CNTN4: variants seen among roughly 807,000 people sequenced by gnomAD.
The protein encoded by CNTN4 is contactin 4, also known as contactin-4.
Under a neutral mutation model 122.5 loss-of-function variants are expected in CNTN4, and 77 were observed. The observed-to-expected ratio is 0.63, with a 90% confidence interval of 0.52 to 0.76. The LOEUF (loss-of-function observed/expected upper bound fraction) is 0.76, where lower values mean the gene tolerates loss of function less well. Ranked by LOEUF, CNTN4 falls within the 30% of genes least tolerant of loss-of-function variation. CNTN4 has a pLI of 0.00. For synonymous variants in CNTN4, 512 were observed against 447.0 expected (o/e 1.15, Z -1.83); for missense variants, 1,256 against 1,259.1 (o/e 1.00, Z 0.04).
chr3:2,325,778 G>A (rs1458744796), intron 2 of CNTN4, among the ~76,000 whole-genome samples: 1 of 152,172 alleles, frequency 6.6e-6, no homozygotes, highest in Non-Finnish European at 1.5e-5. Context: ...TGAAACGATT[G>A]TGATTTATAT....
At chr3:2,185,997 T>C (rs931172028) in intron 2 of CNTN4, among the ~76,000 whole-genome samples, 1 of 152,188 alleles carries the variant, frequency 6.6e-6, no homozygotes, top group African/African-American at 2.4e-5. Context: ...TTATTACATA[T>C]GTATACATGA....
intron 2 of CNTN4, among the ~76,000 whole-genome samples, chr3:2,276,122 CATT>C (rs1559404078): frequency 6.6e-6 from 1 of 151,824 alleles, no homozygotes; most frequent in East Asian, 1.9e-4. Flanking sequence ...ATCTTTTTAA[CATT>C]ATCTGCATTA....
intron 2 of CNTN4, among the ~76,000 whole-genome samples, chr3:2,124,433 AACACACACACACACACACAC>A (rs60760373): frequency 8.1e-6 from 1 of 123,816 alleles, no homozygotes; most frequent in Non-Finnish European, 1.7e-5. Context: ...ATTTATTTAA[AACACACACACACACACACAC>A]ACACACACAC....
intron 7 of CNTN4, among the ~76,000 whole-genome samples, chr3:2,822,638 T>C (rs2092901787): frequency 6.6e-6 from 1 of 152,210 alleles, no homozygotes; most frequent in Admixed American, 6.5e-5. Context: ...ATTAATCTTG[T>C]AGGTATATTA....
intron 3 of CNTN4, among the ~76,000 whole-genome samples, chr3:2,396,390 G>A (rs1183801396): frequency 6.6e-6 from 1 of 152,070 alleles, no homozygotes; most frequent in African/African-American, 2.4e-5. Context: ...TGTCTTCTCA[G>A]AAATCATGTT....
At chr3:2,476,880 G>C (rs1185778699) in intron 3 of CNTN4, among the ~76,000 whole-genome samples, 1 of 152,036 alleles carries the variant, frequency 6.6e-6, no homozygotes, top group African/African-American at 2.4e-5. Flanking sequence ...TTTATTATTA[G>C]TCTTTATTGT....
intron 2 of CNTN4, among the ~76,000 whole-genome samples, chr3:2,102,395 T>C (rs575908599): frequency 2.0e-5 from 3 of 152,348 alleles, no homozygotes; most frequent in Admixed American, 6.5e-5. Context: ...GGCATCACGA[T>C]AGGGATTAAA....
At chr3:2,420,071 G>A (rs2047558644) in intron 3 of CNTN4, among the ~76,000 whole-genome samples, 2 of 152,170 alleles carry the variant, frequency 1.3e-5, no homozygotes, top group Admixed American at 6.5e-5. Context: ...CTCATACAGT[G>A]CAATAGTACA....
At chr3:2,653,392 C>G (rs2083449900) in intron 4 of CNTN4, among the ~76,000 whole-genome samples, 2 of 152,110 alleles carry the variant, frequency 1.3e-5, no homozygotes, top group Non-Finnish European at 2.9e-5. Flanking sequence ...AGATTGAGCT[C>G]TTTTCCAAAT....
rs548177404 is a variant in CNTN4, at chr3:2,372,528, C to A, written c.-89+33295C>A. 1.4e-4 allele frequency among the ~76,000 whole-genome samples: 22 copies of A among 152,284 alleles called. No homozygotes were observed. In the South Asian group the frequency reaches 4.6e-3, roughly 32 times the overall value. Reference sequence around the variant, plus strand: ...TCAGGGACATAGTTGAAATTTGACACCAGGTTCCAATCCCTAATGTCCTCT... The same window carrying A: ...TCAGGGACATAGTTGAAATTTGACAACAGGTTCCAATCCCTAATGTCCTCT... On this transcript the variant is annotated intron_variant, in intron 3 of 24. Coordinates refer to ENST00000418658, the MANE Select transcript of CNTN4 (RefSeq NM_175607.3).
Position 2,261,646 on chromosome 3 carries a change from T to G in CNTN4, c.-144-77532T>G, listed in dbSNP as rs2040837783. Among the ~76,000 whole-genome samples, 3 of 152,176 alleles carry G rather than the reference T, an allele frequency of 2.0e-5. No individual in the cohort carries two copies. The South Asian group carries it at 6.2e-4, about 32-fold the overall frequency. On this transcript the variant is annotated intron_variant, in intron 2 of 24. Coordinates refer to ENST00000418658, the MANE Select transcript of CNTN4 (RefSeq NM_175607.3). ...ACACCAACTATTCCAGGCTGCAGAATTTCAGTTTGAAACGGTTCTAAAATT... is the reference window on the plus strand; with the variant it reads ...ACACCAACTATTCCAGGCTGCAGAAGTTCAGTTTGAAACGGTTCTAAAATT...
At chr3:2,285,467 A>G (rs939801438) in intron 2 of CNTN4, among the ~76,000 whole-genome samples, 1 of 152,120 alleles carries the variant, frequency 6.6e-6, no homozygotes, top group Non-Finnish European at 1.5e-5. Flanking sequence ...GATACCTCAC[A>G]GTTTGATTTT....
At chr3:2,870,260 T>C (rs2093769544) in intron 8 of CNTN4, among the ~76,000 whole-genome samples, 1 of 152,216 alleles carries the variant, frequency 6.6e-6, no homozygotes, top group Non-Finnish European at 1.5e-5. Flanking sequence ...GACAAATGTT[T>C]TGTATTAAAA....
chr3:2,423,360 G>A (rs1370564430), intron 3 of CNTN4, among the ~76,000 whole-genome samples: 1 of 152,130 alleles, frequency 6.6e-6, no homozygotes, highest in Admixed American at 6.5e-5. Context: ...AACATGTGGT[G>A]CCATTTTGTG....
intron 3 of CNTN4, among the ~76,000 whole-genome samples, chr3:2,360,605 G>A (rs879914140): frequency 2.0e-5 from 3 of 152,264 alleles, no homozygotes; most frequent in South Asian, 2.1e-4. Flanking sequence ...CATGGCTGGG[G>A]AGGCCTCAGG....
chr3:2,124,486 G>T (rs1428976543), intron 2 of CNTN4, among the ~76,000 whole-genome samples: 1 of 143,654 alleles, frequency 7.0e-6, no homozygotes, highest in Non-Finnish European at 1.5e-5. Flanking sequence ...CCTTAAGCAA[G>T]GTATGCTGGC....
chr3:2,358,093 C>T (rs1502573), intron 3 of CNTN4, among the ~76,000 whole-genome samples: 19,079 of 152,166 alleles, frequency 0.13, 1,488 homozygotes, highest in Non-Finnish European at 0.18. Flanking sequence ...AAGTCAACTG[C>T]AGCAAAATCA....
At chr3:2,822,358 C>T (rs2092895061) in intron 7 of CNTN4, among the ~76,000 whole-genome samples, 1 of 152,134 alleles carries the variant, frequency 6.6e-6, no homozygotes, top group Non-Finnish European at 1.5e-5. Context: ...CTCTCAAATC[C>T]CTATTGATTC....
intron 6 of CNTN4, among the ~76,000 whole-genome samples, chr3:2,806,239 A>C (rs1242386129): frequency 6.6e-6 from 1 of 152,176 alleles, no homozygotes; most frequent in African/African-American, 2.4e-5. Context: ...CATTTACTCT[A>C]AACACTTTTA....
Sources: gnomAD v4.1 joint callset for allele counts (sites outside exome capture counted in the v4.1 genomes callset) on GRCh38, gnomAD v4.1.1 for gene constraint, MANE v1.5 for transcripts, NCBI Gene and HGNC (gene_info 2026-07-23, HGNC 2026-07-21) for gene names.